The following EPHA6 variants were observed in gnomAD, a reference collection of about 807,000 sequenced individuals.
The protein encoded by EPHA6 is ephrin type-A receptor 6.
In EPHA6, 50 loss-of-function variants were observed where a neutral mutation model predicts 112.0. The ratio of observed to expected loss-of-function variants is 0.45; its 90% CI spans 0.36 to 0.56. EPHA6 has a LOEUF of 0.56. EPHA6 is among the 20% of genes least tolerant of loss of function. EPHA6 has a pLI of 0.00. For synonymous variants in EPHA6, 529 were observed against 490.7 expected, an observed-to-expected ratio of 1.08 and a Z score of -1.03; for missense variants, 1,280 against 1,417.4, an observed-to-expected ratio of 0.90 and a Z score of 1.56.
Position 97,760,551 on chromosome 3 carries a change from GATA to G in EPHA6, c.*11851_*11853del. 1 of 101,752 alleles carries G rather than the reference GATA, an allele frequency of 9.8e-6. No homozygotes were observed. 6.3% of individuals were successfully genotyped at this position (101,752 alleles called of 1,614,324 possible). On this transcript the variant is annotated 3_prime_UTR_variant, in exon 18 of 18. Coordinates refer to ENST00000389672, the MANE Select transcript of EPHA6 (RefSeq NM_001080448.3). ...GTTCTAGCATAGCCAAAAATATAAA[GATA>G]TAGATGTACATATACATATGTATTT...
intron 16 of EPHA6, among the ~76,000 whole-genome samples, chr3:97,738,545 A>G (rs146102497): frequency 9.1e-4 from 139 of 152,214 alleles, no homozygotes; most frequent in African/African-American, 3.2e-3. Flanking sequence ...TGAAGAATGT[A>G]AGATGAGAAA....
chr3:97,672,063 T>A (rs1390876495), intron 14 of EPHA6, among the ~76,000 whole-genome samples: 5 of 152,122 alleles, frequency 3.3e-5, no homozygotes, highest in African/African-American at 1.2e-4. Context: ...GCTTTCCAGA[T>A]GAAAAACAAA....
intron 4 of EPHA6, among the ~76,000 whole-genome samples, chr3:97,241,894 TAAGAG>T (rs1267939484): frequency 4.0e-5 from 6 of 151,362 alleles, no homozygotes; most frequent in East Asian, 3.9e-4. Flanking sequence ...CCATTATAAA[TAAGAG>T]AAAAGACCAA....
intron 3 of EPHA6, among the ~76,000 whole-genome samples, chr3:97,094,359 G>A (rs113391939): frequency 6.6e-6 from 1 of 152,080 alleles, no homozygotes; most frequent in African/African-American, 2.4e-5. Context: ...TAATATTCTG[G>A]TCACGATATC....
At chr3:97,510,815 C>G (rs777842888) in intron 10 of EPHA6, among the ~76,000 whole-genome samples, 2 of 152,196 alleles carry the variant, frequency 1.3e-5, no homozygotes, top group Non-Finnish European at 2.9e-5. Context: ...GTGCTCTGTC[C>G]CAGGGAGATA....
At chr3:97,010,373 T>C (rs2044041340) in intron 3 of EPHA6, among the ~76,000 whole-genome samples, 1 of 152,202 alleles carries the variant, frequency 6.6e-6, no homozygotes. Flanking sequence ...TTTCAAGCTA[T>C]AGTAGTAGGG....
chr3:97,425,226 G>A (rs2089013057), intron 6 of EPHA6, among the ~76,000 whole-genome samples: 1 of 152,226 alleles, frequency 6.6e-6, no homozygotes. Context: ...CCCCACTGGG[G>A]ACTCTGTGTG....
rs77215667 is a variant in EPHA6, at chr3:97,052,747, G to A, written c.1114+64754G>A. Among the ~76,000 whole-genome samples, 1,957 of 152,156 alleles carry A rather than the reference G, an allele frequency of 0.013. 130 individuals carry two copies. The East Asian group carries it at 0.23, about 18-fold the overall frequency. ...GGGGATTATTGAGGATTTTAAGTAA[G>A]GGAGTCAGATAATATACCCTGTTTC... On this transcript the variant is annotated intron_variant, in intron 3 of 17. Transcript: ENST00000389672.
At position 97,509,471 on chromosome 3, in the gene EPHA6, C is replaced by T. The variant is rs865801428; in HGVS notation, c.2201-22887C>T. 3.9e-5 allele frequency among the ~76,000 whole-genome samples: 6 copies of T among 152,056 alleles called. No homozygotes were observed. In the South Asian group the frequency reaches 6.2e-4, roughly 16 times the overall value. On this transcript the variant is annotated intron_variant, in intron 10 of 17. Coordinates refer to ENST00000389672, the MANE Select transcript of EPHA6 (RefSeq NM_001080448.3). Reference sequence around the variant, plus strand: ...GCTTAGTTTGGCTGGATATGAAATTCTTCGTTGAAAATTCATTTATTTAAG... The same window carrying T: ...GCTTAGTTTGGCTGGATATGAAATTTTTCGTTGAAAATTCATTTATTTAAG...
intron 3 of EPHA6, among the ~76,000 whole-genome samples, chr3:97,099,574 A>T (rs1356377196): frequency 1.3e-5 from 2 of 151,870 alleles, no homozygotes; most frequent in Non-Finnish European, 2.9e-5. Flanking sequence ...TCCTAATGAA[A>T]TTTCCCAGCA....
chr3:97,519,929 A>G lies in EPHA6; in HGVS notation c.2201-12429A>G, dbSNP rs187885285. ...ATATAAGATTATATCATATGCAAAA[A>G]GAGACAATCTGATTTCCTTTTTTCT... On this transcript the variant is annotated intron_variant, in intron 10 of 17. Coordinates refer to ENST00000389672, the MANE Select transcript of EPHA6 (RefSeq NM_001080448.3). Among the ~76,000 whole-genome samples the G allele has an allele frequency of 3.3e-5, 5 of 151,806 alleles. No homozygotes were observed. The East Asian group carries it at 9.7e-4, about 29-fold the overall frequency.
rs191613320 is a variant in EPHA6 at position 97,448,512 on chromosome 3, G to A, written c.1732-56G>A. ...TCAGTTAAACTTTGGAATGTTTCTAGGAAAAGGTAGAATAACTCTGTTTCA... is the reference window on the plus strand; with the variant it reads ...TCAGTTAAACTTTGGAATGTTTCTAAGAAAAGGTAGAATAACTCTGTTTCA... On this transcript the variant is annotated intron_variant, in intron 6 of 17. Coordinates refer to ENST00000389672, the MANE Select transcript of EPHA6 (RefSeq NM_001080448.3). The A allele has an allele frequency of 1.3e-5, 21 of 1,567,896 alleles. No individual in the cohort carries two copies. The African/African-American group carries it at 2.7e-4, about 20-fold the overall frequency.
In EPHA6 at chr3:96,848,558, G is replaced by A. The variant is rs138682175; in HGVS notation, c.386-18267G>A. ...GAGAATTTCTTGAACCCAGGAGATG[G>A]AGGTTATAGTGGGCTGAGATCTCAC... On this transcript the variant is annotated intron_variant, in intron 1 of 17. Coordinates refer to ENST00000389672, the MANE Select transcript of EPHA6 (RefSeq NM_001080448.3). 3.9e-5 allele frequency among the ~76,000 whole-genome samples: 6 copies of A among 152,154 alleles called. No individual in the cohort carries two copies. The East Asian group carries it at 9.7e-4, about 25-fold the overall frequency.
rs1414716088 is a variant in EPHA6, at chr3:97,750,898, C to A, written c.*2197C>A. Reference sequence around the variant, plus strand: ...AAGTAAGTGTGCCAGATATAGCTAGCCACATTTTCCAGCCATCAACCTGCA... The same window carrying A: ...AAGTAAGTGTGCCAGATATAGCTAGACACATTTTCCAGCCATCAACCTGCA... On this transcript the variant is annotated 3_prime_UTR_variant, in exon 18 of 18. Transcript: ENST00000389672. Among the ~76,000 whole-genome samples, 1 of 152,076 alleles carries A rather than the reference C, an allele frequency of 6.6e-6. No individual in the cohort carries two copies. Among genetic ancestry groups the A allele is most frequent in the Admixed American group, 6.5e-5 (1 of 15,272 alleles).
chr3:97,223,274 T>C (rs2078258012), intron 3 of EPHA6, among the ~76,000 whole-genome samples: 1 of 152,180 alleles, frequency 6.6e-6, no homozygotes, highest in African/African-American at 2.4e-5. Context: ...ATTAAATGCA[T>C]CATGTATCAG....
chr3:97,651,438 G>A (rs1338815387), intron 14 of EPHA6, among the ~76,000 whole-genome samples: 4 of 151,862 alleles, frequency 2.6e-5, no homozygotes. Flanking sequence ...TCTATAGCCT[G>A]GATAAGATCC....
intron 1 of EPHA6, among the ~76,000 whole-genome samples, chr3:96,863,829 C>T (rs1025352387): frequency 3.3e-5 from 5 of 151,902 alleles, no homozygotes; most frequent in South Asian, 2.1e-4. Flanking sequence ...GATTTCAATA[C>T]GCATTAGAGA....
intron 4 of EPHA6, among the ~76,000 whole-genome samples, chr3:97,227,785 G>T (rs2108547455): frequency 6.6e-6 from 1 of 152,332 alleles, no homozygotes; most frequent in South Asian, 2.1e-4. Flanking sequence ...ACAACCCAAG[G>T]GTGGAGTTTT....
At chr3:97,305,853 A>G (rs2108736740) in intron 5 of EPHA6, among the ~76,000 whole-genome samples, 1 of 152,086 alleles carries the variant, frequency 6.6e-6, no homozygotes, top group Admixed American at 6.6e-5. Context: ...CGTCCTGCAC[A>G]TGTATCCTAG....
Sources: gnomAD v4.1 joint callset for allele counts (sites outside exome capture counted in the v4.1 genomes callset) on GRCh38, gnomAD v4.1.1 for gene constraint, MANE v1.5 for transcripts, NCBI Gene and HGNC (gene_info 2026-07-23, HGNC 2026-07-21) for gene names.